The following KIF18A variants were observed in gnomAD, a reference collection of about 807,000 sequenced individuals.
The protein encoded by KIF18A is kinesin-like protein KIF18A.
A neutral mutation model predicts 103.3 loss-of-function variants in KIF18A; 67 were observed. The ratio of observed to expected loss-of-function variants is 0.65; its 90% confidence interval spans 0.53 to 0.79. The LOEUF (loss-of-function observed/expected upper bound fraction) is 0.79. KIF18A is among the 30% of genes least tolerant of loss of function. KIF18A has a pLI of 0.00. For missense variants in KIF18A, 1,032 were observed against 1,062.5 expected, an observed-to-expected ratio of 0.97 and a Z score of 0.40; for synonymous variants, 367 against 355.5, an observed-to-expected ratio of 1.03 and a Z score of -0.36.
intron 15 of KIF18A, among the ~76,000 whole-genome samples, chr11:28,027,645 T>C (rs1371913531): frequency 5.3e-5 from 8 of 151,862 alleles, no homozygotes; most frequent in Non-Finnish European, 1.2e-4. Flanking sequence ...CAGTCTATCT[T>C]TCAGAAAAAA....
At chr11:28,046,274 T>C (rs1167147339) in intron 13 of KIF18A, among the ~76,000 whole-genome samples, 3 of 149,470 alleles carry the variant, frequency 2.0e-5, no homozygotes, top group Non-Finnish European at 4.5e-5. Flanking sequence ...CTATTCACAA[T>C]AGCAAAGACT....
intron 13 of KIF18A, among the ~76,000 whole-genome samples, chr11:28,040,301 T>C (rs1167132562): frequency 6.6e-6 from 1 of 151,680 alleles, no homozygotes; most frequent in South Asian, 2.1e-4. Flanking sequence ...GGTCTATGTC[T>C]ATAAAAGAGA....
chr11:28,098,594 AG>A (rs1409714353), intron 1 of KIF18A, among the ~76,000 whole-genome samples: 3 of 152,148 alleles, frequency 2.0e-5, no homozygotes, highest in Admixed American at 6.6e-5. Context: ...TAGATAGCTC[AG>A]GTCTGAAGGT....
At position 28,097,751 on chromosome 11, in the gene KIF18A, T is replaced by C. The variant is rs1434748566; in HGVS notation, c.197A>G (p.Lys66Arg). 2 of 1,611,658 alleles carry C rather than the reference T, an allele frequency of 1.2e-6. No individual in the cohort carries two copies. The highest frequency in any genetic ancestry group is 1.1e-5 in the South Asian group (1 of 90,820). ...GKKTTNQNVI[K>R]KQNKDLKFVF... ...AAATTTAAGATCCTTATTTTGTTTC[T>C]TTATAACATTTTGATTTGTAGTTTT... Residue 66 changes from lysine (K) to arginine (R), a missense_variant, in exon 2 of 17, where the codon AAG becomes AGG. By Grantham distance (26) the Lys-to-Arg change is conservative. Transcript: ENST00000263181.
rs986694909 is a variant in KIF18A, at chr11:28,097,900, A to C, written c.48T>G (p.Val16=). Reference sequence around the variant, plus strand: ...CTTTAGTGTTTTCCGGACGTACACGAACTACTACTTTCATATGGTGGCACA... The same window carrying C: ...CTTTAGTGTTTTCCGGACGTACACGCACTACTACTTTCATATGGTGGCACA... ...EDLCHHMKVV[V]RVRPENTKEK... The change falls in exon 2 of 17, where the codon GTT becomes GTG. Residue 16 remains valine, a synonymous_variant. Coordinates refer to ENST00000263181, the MANE Select transcript of KIF18A (RefSeq NM_031217.4). 7 of 1,605,212 alleles carry C rather than the reference A, an allele frequency of 4.4e-6. No individual in the cohort carries two copies. Among genetic ancestry groups the C allele is most frequent in the Non-Finnish European group, 5.1e-6 (6 of 1,176,698 alleles).
intron 9 of KIF18A, among the ~76,000 whole-genome samples, chr11:28,082,002 A>G (rs1388705031): frequency 1.3e-5 from 2 of 152,100 alleles, no homozygotes; most frequent in Non-Finnish European, 2.9e-5. Context: ...TGGACATGAA[A>G]GAGAACTAGA....
intron 10 of KIF18A, 107 bp from the exon 11 acceptor site, chr11:28,069,530 G>C (rs1032720537): frequency 2.0e-5 from 21 of 1,037,082 alleles, no homozygotes; most frequent in Non-Finnish European, 2.6e-5. Context: ...AGTAAATTAA[G>C]TTAGGCTACA....
intron 10 of KIF18A, among the ~76,000 whole-genome samples, chr11:28,073,849 A>G (rs1374518006): frequency 2.6e-5 from 4 of 152,190 alleles, no homozygotes; most frequent in Non-Finnish European, 5.9e-5. Flanking sequence ...CATGTAAACA[A>G]GTGTTCAATA....
chr11:28,102,460 T>C lies in KIF18A; in HGVS notation c.-46-4467A>G, dbSNP rs1590715779. Among the ~76,000 whole-genome samples, 7 of 152,262 alleles carry C rather than the reference T, an allele frequency of 4.6e-5. 1 individual carries two copies. Among genetic ancestry groups the C allele is most frequent in the Admixed American group, 4.6e-4 (7 of 15,296 alleles). On this transcript the variant is annotated intron_variant, in intron 1 of 16. Coordinates refer to ENST00000263181, the MANE Select transcript of KIF18A (RefSeq NM_031217.4). The stretch of plus-strand genomic sequence containing the variant: ...TGATGTCTCATGCCTCTCTAAAATA[T>C]AAAAAACCACGCTGTACACTGACCA...
intron 13 of KIF18A, among the ~76,000 whole-genome samples, chr11:28,054,459 G>A (rs892544440): frequency 3.9e-5 from 6 of 152,116 alleles, no homozygotes; most frequent in African/African-American, 1.2e-4. Flanking sequence ...ATCGGCCTGC[G>A]TCAGTCTCCC....
chr11:28,030,279 T>C (rs1757951253), intron 15 of KIF18A, among the ~76,000 whole-genome samples: 1 of 151,712 alleles, frequency 6.6e-6, no homozygotes, highest in South Asian at 2.1e-4. Flanking sequence ...GACTTCAAAC[T>C]ATACTACAAG....
At chr11:28,062,129 G>C (rs2133530072) in intron 12 of KIF18A, among the ~76,000 whole-genome samples, 1 of 152,088 alleles carries the variant, frequency 6.6e-6, no homozygotes, top group East Asian at 1.9e-4. Context: ...TTCAATGTGT[G>C]TAGGTACTTA....
At chr11:28,075,013 T>C (rs1028613947) in intron 10 of KIF18A, among the ~76,000 whole-genome samples, 1 of 152,212 alleles carries the variant, frequency 6.6e-6, no homozygotes, top group Non-Finnish European at 1.5e-5. Flanking sequence ...TATATTTATC[T>C]TATACTGCTT....
At chr11:28,077,798 A>ATG (rs1177255868) in intron 9 of KIF18A, among the ~76,000 whole-genome samples, 1 of 152,196 alleles carries the variant, frequency 6.6e-6, no homozygotes, top group Non-Finnish European at 1.5e-5. Context: ...CAAGTTTATA[A>ATG]TGTGGTAAAC....
intron 13 of KIF18A, among the ~76,000 whole-genome samples, chr11:28,058,054 A>G (rs1054855950): frequency 2.0e-5 from 3 of 152,176 alleles, no homozygotes; most frequent in Non-Finnish European, 4.4e-5. Flanking sequence ...GAGATAGGGC[A>G]TAAAATTGAG....
intron 11 of KIF18A, among the ~76,000 whole-genome samples, chr11:28,068,239 G>T (rs1255275521): frequency 1.3e-5 from 2 of 152,072 alleles, no homozygotes; most frequent in Admixed American, 1.3e-4. Context: ...CATGGACACA[G>T]GGAGGGGAAC....
chr11:28,067,313 G>A (rs1006005527), intron 11 of KIF18A, among the ~76,000 whole-genome samples: 5 of 152,068 alleles, frequency 3.3e-5, no homozygotes, highest in African/African-American at 1.2e-4. Context: ...ATTTTGAGGT[G>A]CAGATTAAAT....
In KIF18A at chr11:28,075,698, T is replaced by C. The variant is rs527254751; in HGVS notation, c.1425+1309A>G. Among the ~76,000 whole-genome samples, 4 of 152,296 alleles carry C rather than the reference T, an allele frequency of 2.6e-5. No individual in the cohort carries two copies. The South Asian group carries it at 8.3e-4, about 32-fold the overall frequency. On this transcript the variant is annotated intron_variant, in intron 10 of 16. Transcript: ENST00000263181. ...ACTGAATCTTGTCTAGAGTGAATTA[T>C]TTCTCCATCTGTTTTGTAATTTTGA...
intron 9 of KIF18A, among the ~76,000 whole-genome samples, chr11:28,078,568 A>G (rs1163448892): frequency 6.6e-6 from 1 of 152,146 alleles, no homozygotes; most frequent in Non-Finnish European, 1.5e-5. Flanking sequence ...TTTAAAACTG[A>G]AAGAGTTCTA....
Sources: gnomAD v4.1 joint callset for allele counts (sites outside exome capture counted in the v4.1 genomes callset) on GRCh38, gnomAD v4.1.1 for gene constraint, MANE v1.5 for transcripts, NCBI Gene and HGNC (gene_info 2026-07-23, HGNC 2026-07-21) for gene names.